Variants in DZIP3 observed in about 807,000 individuals in gnomAD.
DZIP3 encodes E3 ubiquitin-protein ligase DZIP3.
DZIP3 carries 118 observed loss-of-function variants against 162.0 expected under a neutral mutation model. The observed-to-expected ratio is 0.73, with a 90% confidence interval of 0.63 to 0.85. DZIP3 has a LOEUF of 0.85. DZIP3 is among the 40% of genes least tolerant of loss of function. DZIP3 has a pLI of 0.00. For missense variants in DZIP3, 1,331 were observed against 1,407.0 expected (o/e 0.95, Z 0.86); for synonymous variants, 438 against 458.6 (o/e 0.96, Z 0.57).
chr3:108,626,008 G>T (rs1344169240), intron 7 of DZIP3, 39 bp downstream of exon 7: 2 of 1,596,130 alleles, frequency 1.3e-6, no homozygotes, highest in Non-Finnish European at 1.7e-6. Flanking sequence ...TGCCTGTGAA[G>T]TCTCAGCATT....
At chr3:108,655,587 T>C (rs1427810691) in intron 19 of DZIP3, among the ~76,000 whole-genome samples, 2 of 151,420 alleles carry the variant, frequency 1.3e-5, no homozygotes, top group Admixed American at 6.6e-5. Context: ...AGAAGATGAA[T>C]GATTCCTGCA....
chr3:108,668,391 C>T (rs999205835), intron 21 of DZIP3, among the ~76,000 whole-genome samples: 6 of 151,972 alleles, frequency 3.9e-5, no homozygotes, highest in Non-Finnish European at 7.4e-5. Context: ...CCTGAACATA[C>T]GTAGCTGACT....
In DZIP3 at chr3:108,662,185, A is replaced by C; in HGVS notation, c.2351A>C (p.Gln784Pro). The C allele has an allele frequency of 6.2e-7, 1 of 1,609,974 alleles. No individual in the cohort carries two copies. The highest frequency in any genetic ancestry group is 1.3e-5 in the African/African-American group (1 of 74,812). The change falls in exon 21 of 33, where the codon CAG becomes CCG. Residue 784 changes from glutamine to proline, a missense_variant. By Grantham distance (76) the Gln-to-Pro change is moderately conservative (BLOSUM62 -1). This residue lies in a region of DZIP3 where 1,278 missense variants were observed against 1,317.1 expected (regional missense o/e 0.97). Transcript: ENST00000361582. ...VTFRWQENQM[Q>P]IKKKDKIIAS... ...TTTCGGTGGCAAGAAAACCAAATGC[A>C]GATTAAAAAGAAAGACAAAATTATC...
intron 1 of DZIP3, among the ~76,000 whole-genome samples, chr3:108,597,416 A>T (rs1215323382): frequency 6.6e-6 from 1 of 152,000 alleles, no homozygotes; most frequent in African/African-American, 2.4e-5. Flanking sequence ...TTTTTAATGC[A>T]AGTACTATCC....
In DZIP3 at chr3:108,625,971, T is replaced by G; in HGVS notation, c.581+2T>G. ...TTTACTGCGATGTGCTCAAAAGAGG[T>G]AAGGATTTTAATTAACGGGTAGATG... On this transcript the variant is annotated splice_donor_variant, in intron 7 of 32. Transcript: ENST00000361582. LOFTEE classifies it high-confidence loss of function. 1 of 1,611,166 alleles carries G rather than the reference T, an allele frequency of 6.2e-7. No homozygotes were observed. Among genetic ancestry groups the G allele is most frequent in the South Asian group, 1.1e-5 (1 of 90,266 alleles).
In DZIP3 at chr3:108,636,580, T is replaced by A. The variant is rs758729691; in HGVS notation, c.919-36T>A. 8 of 1,386,422 alleles carry A rather than the reference T, an allele frequency of 5.8e-6. 1 individual carries two copies. Among genetic ancestry groups the A allele is most frequent in the Non-Finnish European group, 7.8e-6 (8 of 1,020,376 alleles). 85.9% of individuals were successfully genotyped at this position (1,386,422 alleles called of 1,614,324 possible). A position where few individuals can be genotyped will look rare whatever the true frequency, so the allele number is the denominator to read the frequency against. ...AATCAGATTTGCACATCAGTGATTT[T>A]TTTCTATTTTTATTTTTTTCTATTA... On this transcript the variant is annotated intron_variant, in intron 10 of 32. Transcript: ENST00000361582.
chr3:108,637,708 C>G (rs1942221949), intron 12 of DZIP3, among the ~76,000 whole-genome samples, 160 bp downstream of exon 12: 1 of 152,116 alleles, frequency 6.6e-6, no homozygotes, highest in African/African-American at 2.4e-5. Flanking sequence ...CTCTCTATCA[C>G]CACTTATTGT....
In DZIP3 at chr3:108,629,060, AGAT is replaced by A; in HGVS notation, c.582-1_583del. ...CTAACCTTATTTTAAAATGCCTTTCAGATATAATGGAGGACTGCTAGAATTTCA... is the reference window on the plus strand; with the variant it reads ...CTAACCTTATTTTAAAATGCCTTTCAATAATGGAGGACTGCTAGAATTTCA... On this transcript the variant is annotated splice_acceptor_variant and coding_sequence_variant, in exon 8 of 33. Transcript: ENST00000361582. LOFTEE classifies it high-confidence loss of function. 1 of 1,567,586 alleles carries A rather than the reference AGAT, an allele frequency of 6.4e-7. No homozygotes were observed. Among genetic ancestry groups the A allele is most frequent in the Non-Finnish European group, 8.6e-7 (1 of 1,157,714 alleles).
rs562662355 is a variant in DZIP3, at chr3:108,603,150, G to C, written c.-72-2185G>C. 4.6e-5 allele frequency: 7 copies of C among 152,258 alleles called. No homozygotes were observed. In the East Asian group the frequency reaches 1.2e-3, roughly 25 times the overall value. 9.4% of individuals were successfully genotyped at this position (152,258 alleles called of 1,614,324 possible). On this transcript the variant is annotated intron_variant, in intron 1 of 32. Coordinates refer to ENST00000361582, the MANE Select transcript of DZIP3 (RefSeq NM_014648.4). ...CTGGCCAAAGAAGAGCTTAGCAGAG[G>C]GGGAGGACTCCAAGTCTGAGCTTTG...
At chr3:108,600,249 T>A (rs1299825235) in intron 1 of DZIP3, among the ~76,000 whole-genome samples, 3 of 152,182 alleles carry the variant, frequency 2.0e-5, no homozygotes, top group Non-Finnish European at 2.9e-5. Flanking sequence ...TTTAATTCAA[T>A]GTTGAGTTAG....
chr3:108,682,325 T>G (rs1012484215), intron 26 of DZIP3, among the ~76,000 whole-genome samples: 1 of 151,088 alleles, frequency 6.6e-6, no homozygotes, highest in East Asian at 1.9e-4. Flanking sequence ...CCTGCACTCC[T>G]ATGTTCACTG....
At position 108,651,156 on chromosome 3, in the gene DZIP3, A is replaced by G. The variant is rs780266718; in HGVS notation, c.2027A>G (p.Asp676Gly). The G allele has an allele frequency of 1.3e-6, 1 of 752,298 alleles. No individual in the cohort carries two copies. Among genetic ancestry groups the G allele is most frequent in the South Asian group, 2.1e-5 (1 of 48,732 alleles). The allele number at this position is 752,298 out of a possible 1,614,324, so 46.6% of individuals were successfully genotyped here. A position where few individuals can be genotyped will look rare whatever the true frequency, so the allele number is the denominator to read the frequency against. ...TTTCAGAATAAAGACTCAAAAGAAG[A>G]CCAAGTGTAAGTATTAGTTTATTTA... ...KNKKNKDSKE[D>G]QVPYVVEKEE... Residue 676 changes from aspartate (D) to glycine (G), a missense_variant, in exon 18 of 33, where the codon GAC becomes GGC. This residue lies in a region of DZIP3 where 1,278 missense variants were observed against 1,317.1 expected (regional missense o/e 0.97). Coordinates refer to ENST00000361582, the MANE Select transcript of DZIP3 (RefSeq NM_014648.4).
intron 19 of DZIP3, among the ~76,000 whole-genome samples, chr3:108,659,325 A>G (rs1362916967): frequency 6.6e-6 from 1 of 152,222 alleles, no homozygotes; most frequent in Non-Finnish European, 1.5e-5. Context: ...CTGGGATGCA[A>G]GGCTGGTTCA....
chr3:108,679,543 G>A (rs1182219033), intron 26 of DZIP3, among the ~76,000 whole-genome samples: 1 of 152,224 alleles, frequency 6.6e-6, no homozygotes, highest in East Asian at 1.9e-4. Context: ...TTGTGTTAAA[G>A]TACAAGCATT....
intron 26 of DZIP3, among the ~76,000 whole-genome samples, chr3:108,679,997 A>G (rs1474521158): frequency 1.3e-5 from 2 of 152,156 alleles, no homozygotes; most frequent in Non-Finnish European, 2.9e-5. Context: ...AAAATACACA[A>G]ATCAGTAAAT....
chr3:108,632,990 A>G lies in DZIP3; in HGVS notation c.734A>G (p.Asn245Ser). ...LNNFIKTTES[N>S]IMKQTICSYL... ...AATTTTATCAAGACAACTGAAAGCA[A>G]TATAATGAAGCAGACGATTTGTAGT... is the stretch of plus-strand genomic sequence containing the variant. Residue 245 changes from asparagine to serine, a missense_variant, in exon 9 of 33, where the codon AAT becomes AGT. Coordinates refer to ENST00000361582, the MANE Select transcript of DZIP3 (RefSeq NM_014648.4). The G allele has an allele frequency of 1.4e-6, 2 of 1,481,004 alleles. No individual in the cohort carries two copies. Among genetic ancestry groups the G allele is most frequent in the Non-Finnish European group, 9.1e-7 (1 of 1,101,262 alleles). 91.7% of individuals were successfully genotyped at this position (1,481,004 alleles called of 1,614,324 possible).
Position 108,644,791 on chromosome 3 carries a change from GATTA to G in DZIP3, c.1759+11_1759+14del. On this transcript the variant is annotated intron_variant, in intron 14 of 32. Transcript: ENST00000361582. The stretch of plus-strand genomic sequence containing the variant: ...TCCTGCTATCAACAAGGTACTAAAT[GATTA>G]TTTACTTCAGCCAATAAACTTCCAT... 1 of 1,587,470 alleles carries G rather than the reference GATTA, an allele frequency of 6.3e-7. No homozygotes were observed.
At chr3:108,621,643 T>G (rs1448742282) in intron 5 of DZIP3, among the ~76,000 whole-genome samples, 1 of 152,150 alleles carries the variant, frequency 6.6e-6, no homozygotes, top group East Asian at 1.9e-4. Context: ...AAGAGAACCC[T>G]CTTACACTGT....
intron 4 of DZIP3, among the ~76,000 whole-genome samples, chr3:108,611,532 T>G (rs186922591): frequency 6.6e-6 from 1 of 152,312 alleles, no homozygotes; most frequent in East Asian, 1.9e-4. Flanking sequence ...GCTAGCCTTT[T>G]AAGAATAATG....
Sources: gnomAD v4.1 joint callset for allele counts (sites outside exome capture counted in the v4.1 genomes callset) on GRCh38, gnomAD v4.1.1 for gene constraint, gnomAD v4.1.1 regional missense constraint, MANE v1.5 for transcripts, NCBI Gene and HGNC (gene_info 2026-07-23, HGNC 2026-07-21) for gene names.